The following FHOD3 variants were observed in gnomAD, a reference collection of about 807,000 sequenced individuals.
FHOD3 encodes the protein formin homology 2 domain containing 3, also known as FH1/FH2 domain-containing protein 3.
In FHOD3, 90 loss-of-function variants were observed where a neutral mutation model predicts 173.0. The ratio of observed to expected loss-of-function variants is 0.52; its 90% CI spans 0.44 to 0.62. The LOEUF (loss-of-function observed/expected upper bound fraction) is 0.62, where lower values mean the gene tolerates loss of function less well. FHOD3 is among the 20% of genes least tolerant of loss of function. The pLI is 0.00. For synonymous variants in FHOD3, 828 were observed against 823.0 expected (o/e 1.01, Z -0.10); for missense variants, 1,945 against 2,034.7 (o/e 0.96, Z 0.85).
chr18:36,349,437 G>A (rs754276570), intron 1 of FHOD3, among the ~76,000 whole-genome samples: 3 of 152,198 alleles, frequency 2.0e-5, no homozygotes, highest in Non-Finnish European at 4.4e-5. Context: ...AACCAATGAA[G>A]TGCCATAAGC....
intron 5 of FHOD3, among the ~76,000 whole-genome samples, chr18:36,517,385 A>G (rs2056048439): frequency 6.6e-6 from 1 of 152,150 alleles, no homozygotes; most frequent in Non-Finnish European, 1.5e-5. Flanking sequence ...ACCAAGATTC[A>G]CACTGTCTTG....
intron 1 of FHOD3, among the ~76,000 whole-genome samples, chr18:36,306,908 A>ATC (rs1568099637): frequency 6.6e-6 from 1 of 152,258 alleles, no homozygotes; most frequent in East Asian, 1.9e-4. Context: ...TTCTTCATGT[A>ATC]TCATAGTGAC....
chr18:36,414,258 T>A (rs1180368335), intron 3 of FHOD3, among the ~76,000 whole-genome samples: 1 of 152,224 alleles, frequency 6.6e-6, no homozygotes, highest in Non-Finnish European at 1.5e-5. Context: ...CATGACAGCC[T>A]AAGTGAGCAA....
intron 4 of FHOD3, among the ~76,000 whole-genome samples, chr18:36,503,946 A>G (rs1221416868): frequency 6.6e-6 from 1 of 152,066 alleles, no homozygotes; most frequent in African/African-American, 2.4e-5. Context: ...ATTGATTGAG[A>G]TGGAATCTCA....
chr18:36,533,597 C>T (rs1398230319), intron 5 of FHOD3, among the ~76,000 whole-genome samples: 3 of 152,134 alleles, frequency 2.0e-5, no homozygotes, highest in Non-Finnish European at 2.9e-5. Flanking sequence ...AATGGTCTCC[C>T]GATGAGCTTC....
chr18:36,572,670 C>T (rs2058494136), intron 5 of FHOD3, among the ~76,000 whole-genome samples: 1 of 152,144 alleles, frequency 6.6e-6, no homozygotes, highest in Non-Finnish European at 1.5e-5. Context: ...TTGCCTTCTC[C>T]CATTGTAATA....
intron 5 of FHOD3, among the ~76,000 whole-genome samples, chr18:36,529,131 G>A (rs2056665154): frequency 6.6e-6 from 1 of 152,200 alleles, no homozygotes; most frequent in Non-Finnish European, 1.5e-5. Context: ...TGTGGATATT[G>A]CCTCTGCAGA....
At chr18:36,441,553 C>T (rs1351996267) in intron 3 of FHOD3, among the ~76,000 whole-genome samples, 1 of 152,154 alleles carries the variant, frequency 6.6e-6, no homozygotes, top group Non-Finnish European at 1.5e-5. Context: ...GTCTCTGTGG[C>T]TGTTGTAGTG....
chr18:36,515,933 C>T (rs1006601737), intron 5 of FHOD3, among the ~76,000 whole-genome samples: 27 of 152,178 alleles, frequency 1.8e-4, no homozygotes, highest in Non-Finnish European at 1.5e-4. Context: ...GGCACTGTGC[C>T]CAATTGTCAC....
chr18:36,319,747 C>T (rs1159314627), intron 1 of FHOD3, among the ~76,000 whole-genome samples: 1 of 152,200 alleles, frequency 6.6e-6, no homozygotes, highest in Non-Finnish European at 1.5e-5. Flanking sequence ...GTAAAACACT[C>T]CTCAGCAAAT....
At chr18:36,524,043 G>A (rs528793115) in intron 5 of FHOD3, among the ~76,000 whole-genome samples, 2 of 152,232 alleles carry the variant, frequency 1.3e-5, no homozygotes, top group Admixed American at 1.3e-4. Flanking sequence ...CACTTTGGGA[G>A]GCCGATGGCT....
At chr18:36,512,055 T>C (rs960682063) in intron 4 of FHOD3, among the ~76,000 whole-genome samples, 10 of 152,370 alleles carry the variant, frequency 6.6e-5, no homozygotes, top group African/African-American at 1.9e-4. Context: ...TAGTCTTTGC[T>C]GCAATCAAAT....
At chr18:36,430,801 A>G (rs917506390) in intron 3 of FHOD3, among the ~76,000 whole-genome samples, 1 of 152,168 alleles carries the variant, frequency 6.6e-6, no homozygotes, top group Non-Finnish European at 1.5e-5. Flanking sequence ...ATCTGTTTGG[A>G]CTAGACGTTA....
intron 3 of FHOD3, among the ~76,000 whole-genome samples, chr18:36,482,854 C>CAGAGAGAGAGAGAGAG (rs1405818047): frequency 5.1e-5 from 5 of 97,908 alleles, no homozygotes; most frequent in African/African-American, 2.1e-4. Context: ...CACTCACACA[C>CAGAGAGAGAGAGAGAG]ACACAGAGAG....
chr18:36,516,172 C>A (rs191830457), intron 5 of FHOD3, among the ~76,000 whole-genome samples: 2 of 152,204 alleles, frequency 1.3e-5, no homozygotes, highest in Admixed American at 1.3e-4. Context: ...CGATCAAGAA[C>A]AACCTTTGAA....
chr18:36,514,547 C>T (rs2055853697), intron 5 of FHOD3, among the ~76,000 whole-genome samples: 1 of 152,090 alleles, frequency 6.6e-6, no homozygotes. Context: ...CAGGTAATCA[C>T]CTAATTCTGA....
chr18:36,428,611 T>C (rs1472471616), intron 3 of FHOD3, among the ~76,000 whole-genome samples: 1 of 150,834 alleles, frequency 6.6e-6, no homozygotes, highest in Non-Finnish European at 1.5e-5. Flanking sequence ...TGTCTGTCTG[T>C]CTGCCTGTCT....
intron 2 of FHOD3, among the ~76,000 whole-genome samples, chr18:36,364,229 T>A (rs1320415400): frequency 4.6e-5 from 7 of 152,118 alleles, no homozygotes; most frequent in Admixed American, 2.6e-4. Context: ...AAAATAAAAG[T>A]TTTTTTCTTG....
chr18:36,745,429 G>A (rs1301339804), intron 23 of FHOD3, among the ~76,000 whole-genome samples: 1 of 152,144 alleles, frequency 6.6e-6, no homozygotes, highest in Admixed American at 6.5e-5. Flanking sequence ...ATAGCATCAG[G>A]AAGCCCAGTA....
Sources: allele counts gnomAD v4.1 joint callset (sites outside exome capture counted in the v4.1 genomes callset), GRCh38; gene constraint gnomAD v4.1.1; transcripts MANE v1.5; gene names NCBI Gene and HGNC (gene_info 2026-07-23, HGNC 2026-07-21).